Variants in PRKN observed in about 807,000 individuals in gnomAD.
The protein encoded by PRKN is E3 ubiquitin-protein ligase parkin.
A neutral mutation model predicts 59.5 loss-of-function variants in PRKN; 56 were observed. The ratio of observed to expected loss-of-function variants is 0.94; its 90% CI spans 0.76 to 1.18. The LOEUF (loss-of-function observed/expected upper bound fraction) is 1.18, where lower values mean the gene tolerates loss of function less well. Among genes scored for constraint, PRKN ranks in the 50% most tolerant of loss-of-function variants. The pLI is 0.00. For missense variants in PRKN, 657 were observed against 596.4 expected (o/e 1.10, Z -1.06); for synonymous variants, 250 against 222.1 (o/e 1.13, Z -1.12).
At chr6:161,823,848 G>T (rs1439822075) in intron 6 of PRKN, among the ~76,000 whole-genome samples, 1 of 152,184 alleles carries the variant, frequency 6.6e-6, no homozygotes, top group African/African-American at 2.4e-5. Flanking sequence ...TGAGCAAGGT[G>T]ATCACATGGC....
At chr6:162,188,043 T>C (rs1357866748) in intron 4 of PRKN, among the ~76,000 whole-genome samples, 1 of 152,106 alleles carries the variant, frequency 6.6e-6, no homozygotes, top group African/African-American at 2.4e-5. Context: ...TCTCATGAGA[T>C]CTGATCATTT....
intron 3 of PRKN, among the ~76,000 whole-genome samples, chr6:162,240,330 G>C (rs1270666245): frequency 1.3e-5 from 2 of 152,146 alleles, no homozygotes; most frequent in Non-Finnish European, 2.9e-5. Context: ...TTACAGAACA[G>C]ACCTTCCAAC....
At chr6:162,486,466 C>G (rs921376466) in intron 1 of PRKN, among the ~76,000 whole-genome samples, 1 of 152,162 alleles carries the variant, frequency 6.6e-6, no homozygotes, top group Non-Finnish European at 1.5e-5. Flanking sequence ...GGGGGCCATT[C>G]CAGTTGTCTC....
At chr6:161,794,845 T>C (rs1325502110) in intron 6 of PRKN, among the ~76,000 whole-genome samples, 2 of 152,228 alleles carry the variant, frequency 1.3e-5, no homozygotes, top group South Asian at 2.1e-4. Context: ...GTCTAATTTC[T>C]TGTAATGTTT....
chr6:161,426,864 A>G (rs563403803), intron 9 of PRKN, among the ~76,000 whole-genome samples: 24 of 151,882 alleles, frequency 1.6e-4, no homozygotes, highest in Non-Finnish European at 3.2e-4. Flanking sequence ...GACTACAGGC[A>G]CCTGCCACCA....
intron 1 of PRKN, among the ~76,000 whole-genome samples, chr6:162,574,592 T>A (rs1780482835): frequency 6.6e-6 from 1 of 152,212 alleles, no homozygotes; most frequent in African/African-American, 2.4e-5. Context: ...ATTCCTGTAG[T>A]TTTATTTCTG....
At chr6:162,226,619 C>T (rs967912211) in intron 3 of PRKN, among the ~76,000 whole-genome samples, 2 of 152,116 alleles carry the variant, frequency 1.3e-5, no homozygotes, top group South Asian at 4.1e-4. Flanking sequence ...CTGCAATCTC[C>T]GCCTCCTGGG....
chr6:161,839,057 A>G (rs1283264511), intron 6 of PRKN, among the ~76,000 whole-genome samples: 1 of 152,082 alleles, frequency 6.6e-6, no homozygotes, highest in South Asian at 2.1e-4. Context: ...AAATAGGGGG[A>G]AAAAAGAGGC....
chr6:161,368,297 T>TTG (rs1185057487), intron 10 of PRKN, among the ~76,000 whole-genome samples: 5 of 140,032 alleles, frequency 3.6e-5, no homozygotes, highest in African/African-American at 1.1e-4. Context: ...TTATATATAT[T>TTG]TATATATATT....
At chr6:161,803,729 T>G (rs1311922505) in intron 6 of PRKN, among the ~76,000 whole-genome samples, 3 of 152,178 alleles carry the variant, frequency 2.0e-5, no homozygotes, top group Admixed American at 2.0e-4. Context: ...ATGTGTGACC[T>G]ATTGTCTGTC....
chr6:162,649,917 T>C (rs1778352300), intron 1 of PRKN, among the ~76,000 whole-genome samples: 1 of 152,162 alleles, frequency 6.6e-6, no homozygotes, highest in Non-Finnish European at 1.5e-5. Context: ...ATGTATGTCA[T>C]TGGTTTTAAC....
intron 7 of PRKN, among the ~76,000 whole-genome samples, chr6:161,740,974 G>A (rs1043742663): frequency 3.3e-5 from 5 of 152,138 alleles, no homozygotes; most frequent in African/African-American, 9.7e-5. Flanking sequence ...AAATACTCAC[G>A]GACCTAGCTT....
intron 6 of PRKN, among the ~76,000 whole-genome samples, chr6:161,881,210 C>G (rs912040607): frequency 5.9e-5 from 9 of 152,098 alleles, no homozygotes; most frequent in Admixed American, 2.0e-4. Flanking sequence ...ATCCTAATGC[C>G]CCCTGTGTGG....
At chr6:162,482,085 C>T (rs1283941948) in intron 1 of PRKN, among the ~76,000 whole-genome samples, 1 of 152,132 alleles carries the variant, frequency 6.6e-6, no homozygotes, top group East Asian at 1.9e-4. Context: ...GCAACACTCA[C>T]TGCCCAGAAT....
At chr6:162,319,145 T>C (rs1782876482) in intron 2 of PRKN, among the ~76,000 whole-genome samples, 1 of 151,966 alleles carries the variant, frequency 6.6e-6, no homozygotes, top group Non-Finnish European at 1.5e-5. Flanking sequence ...AATTACGAAA[T>C]AAGAAACAAA....
intron 1 of PRKN, among the ~76,000 whole-genome samples, chr6:162,655,420 T>C (rs1220817237): frequency 5.9e-5 from 9 of 152,148 alleles, no homozygotes; most frequent in Non-Finnish European, 2.9e-5. Context: ...CCAGAAACAA[T>C]CGTGTCTCCT....
At chr6:162,553,366 G>A (rs190942727) in intron 1 of PRKN, among the ~76,000 whole-genome samples, 48 of 151,928 alleles carry the variant, frequency 3.2e-4, no homozygotes, top group Non-Finnish European at 4.7e-4. Flanking sequence ...CGGAAAGAAA[G>A]AGGCAGGGGA....
At chr6:161,938,966 G>A (rs1390728345) in intron 6 of PRKN, among the ~76,000 whole-genome samples, 2 of 152,074 alleles carry the variant, frequency 1.3e-5, no homozygotes, top group African/African-American at 4.8e-5. Context: ...TCTTTGATGT[G>A]TTCATTTATA....
intron 1 of PRKN, among the ~76,000 whole-genome samples, chr6:162,648,401 A>G (rs1778282517): frequency 1.6e-5 from 1 of 61,698 alleles, no homozygotes; most frequent in African/African-American, 6.4e-5. Context: ...TATTTTTTTA[A>G]GATGGAGTCT....
Sources: allele counts gnomAD v4.1 joint callset (sites outside exome capture counted in the v4.1 genomes callset), GRCh38; gene constraint gnomAD v4.1.1; transcripts MANE v1.5; gene names NCBI Gene and HGNC (gene_info 2026-07-23, HGNC 2026-07-21).